The following ENOX2 variants were observed in gnomAD, a reference collection of about 807,000 sequenced individuals.
ENOX2 encodes ecto-NOX disulfide-thiol exchanger 2.
Under a neutral mutation model 45.0 loss-of-function variants are expected in ENOX2, and 36 were observed. That is an observed-to-expected ratio of 0.80 (90% confidence interval 0.61 to 1.06). ENOX2 has a LOEUF of 1.06. Among genes scored for constraint, ENOX2 ranks in the 50% least tolerant of loss-of-function variants. The probability of loss-of-function intolerance (pLI) is 0.00; values close to 1 mark genes in which losing one functional copy is unlikely to be tolerated. For missense variants in ENOX2, 423 were observed against 462.5 expected, an observed-to-expected ratio of 0.91 and a Z score of 0.78; for synonymous variants, 174 against 152.3, an observed-to-expected ratio of 1.14 and a Z score of -1.05.
Position 130,637,517 on chromosome X carries a change from G to C in ENOX2, c.1130-107C>G. The stretch of plus-strand genomic sequence containing the variant: ...CCTCTTGATGAAGAACTTCAGGTTT[G>C]AGTTGGCCATCTCAGCAAGAGATAG... On this transcript the variant is annotated intron_variant, in intron 10 of 14. Coordinates refer to ENST00000394363, the MANE Select transcript of ENOX2 (RefSeq NM_006375.4). The C allele has an allele frequency of 6.5e-6, 4 of 615,117 alleles. No individual in the cohort carries two copies. In the South Asian group the frequency reaches 9.2e-5, roughly 14 times the overall value. The allele number at this position is 615,117 out of a possible 1,213,427, so 50.7% of individuals were successfully genotyped here.
At chrX:130,802,706 G>C (rs1005153844) in intron 2 of ENOX2, among the ~76,000 whole-genome samples, 14 of 111,634 alleles carry the variant, frequency 1.3e-4, no homozygotes, top group African/African-American at 4.5e-4. Flanking sequence ...CAGGAGAGTT[G>C]CATTTTTAAT....
rs1169937381 is a variant in ENOX2, at chrX:130,622,753, A to T, written c.*2561T>A. ...GTTTGTGAGAGATGGTATGTGCCACAATTTGATTGTGTAATATAATGTATA... is the reference window on the plus strand; with the variant it reads ...GTTTGTGAGAGATGGTATGTGCCACTATTTGATTGTGTAATATAATGTATA... On this transcript the variant is annotated 3_prime_UTR_variant, in exon 15 of 15. Transcript: ENST00000394363. 8.9e-6 allele frequency among the ~76,000 whole-genome samples: 1 copy of T among 112,031 alleles called. No individual in the cohort carries two copies. The highest frequency in any genetic ancestry group is 3.2e-5 in the African/African-American group (1 of 30,830).
intron 2 of ENOX2, among the ~76,000 whole-genome samples, chrX:130,885,260 G>T (rs1045390576): frequency 3.6e-5 from 4 of 111,068 alleles, no homozygotes; most frequent in Admixed American, 9.6e-5. Context: ...TCAACCGAGA[G>T]GCAGCCTGAT....
At chrX:130,797,156 T>C (rs1395095645) in intron 2 of ENOX2, among the ~76,000 whole-genome samples, 1 of 111,913 alleles carries the variant, frequency 8.9e-6, no homozygotes, top group Non-Finnish European at 1.9e-5. Context: ...ACTTAAACAC[T>C]GCACAGATTC....
intron 10 of ENOX2, among the ~76,000 whole-genome samples, chrX:130,650,926 T>C (rs192541552): frequency 6.3e-5 from 7 of 111,355 alleles, no homozygotes; most frequent in African/African-American, 2.3e-4. Flanking sequence ...GAAAAAAAAA[T>C]TAGTAGAAGT....
chrX:130,631,691 T>C, intron 12 of ENOX2, 115 bp from the exon 13 acceptor site: 1 of 420,730 alleles, frequency 2.4e-6, no homozygotes, highest in Non-Finnish European at 4.3e-6. Flanking sequence ...ACCATTCAAT[T>C]TGGATTACTG....
At chrX:130,719,460 G>GAAA (rs1218133442) in intron 3 of ENOX2, among the ~76,000 whole-genome samples, 17 of 59,822 alleles carry the variant, frequency 2.8e-4, no homozygotes, top group African/African-American at 8.0e-4. Flanking sequence ...CTGCTGCTAA[G>GAAA]AAAAAAAAAA....
intron 13 of ENOX2, 59 bp downstream of exon 13, chrX:130,631,409 C>T (rs1288995086): frequency 1.1e-5 from 7 of 640,911 alleles, no homozygotes; most frequent in Admixed American, 4.5e-5. Context: ...AGGTAAAGCC[C>T]TCCTCTCCTC....
At chrX:130,760,716 G>A (rs971351296) in intron 3 of ENOX2, among the ~76,000 whole-genome samples, 2 of 99,365 alleles carry the variant, frequency 2.0e-5, no homozygotes, top group Non-Finnish European at 4.0e-5. Context: ...AACCTGGGAG[G>A]TGGAGGTTGC....
At chrX:130,683,643 T>C (rs1027071082) in intron 5 of ENOX2, among the ~76,000 whole-genome samples, 2 of 111,155 alleles carry the variant, frequency 1.8e-5, no homozygotes, top group African/African-American at 6.5e-5. Flanking sequence ...GTCTAATCGC[T>C]GAAGTGAAAA....
At position 130,652,547 on chromosome X, in the gene ENOX2, G is replaced by A. The variant is rs748531805; in HGVS notation, c.1129+4034C>T. Among the ~76,000 whole-genome samples, 18 of 111,908 alleles carry A rather than the reference G, an allele frequency of 1.6e-4. No homozygotes were observed. The East Asian group carries it at 5.0e-3, about 31-fold the overall frequency. On this transcript the variant is annotated intron_variant, in intron 10 of 14. Transcript: ENST00000394363. ...TCTGCAGTTCATCTCATCATATTCC[G>A]CAAATCAGTCCCATCCATCAGTCCA...
intron 2 of ENOX2, among the ~76,000 whole-genome samples, chrX:130,792,329 T>C (rs1007475258): frequency 4.5e-5 from 5 of 111,650 alleles, no homozygotes; most frequent in African/African-American, 1.6e-4. Flanking sequence ...GGTAATGAAA[T>C]AATCTGTACA....
At chrX:130,899,416 C>T (rs142718367) in intron 2 of ENOX2, among the ~76,000 whole-genome samples, 42 of 111,886 alleles carry the variant, frequency 3.8e-4, no homozygotes, top group African/African-American at 1.3e-3. Flanking sequence ...ATGAATGAAA[C>T]CTGGTCCCTG....
intron 2 of ENOX2, among the ~76,000 whole-genome samples, chrX:130,891,451 T>C (rs1453835362): frequency 9.9e-6 from 1 of 101,072 alleles, no homozygotes; most frequent in African/African-American, 3.6e-5. Flanking sequence ...AAATTTTACA[T>C]AATTTTCTTA....
intron 3 of ENOX2, among the ~76,000 whole-genome samples, chrX:130,757,086 C>G (rs1341553924): frequency 1.8e-5 from 2 of 111,903 alleles, no homozygotes; most frequent in Non-Finnish European, 3.8e-5. Context: ...ATTACTCACT[C>G]TTCTATTTTC....
chrX:130,776,053 T>A (rs935417038), intron 3 of ENOX2, among the ~76,000 whole-genome samples: 1 of 111,775 alleles, frequency 8.9e-6, no homozygotes, highest in Non-Finnish European at 1.9e-5. Context: ...TGTCTGAGTG[T>A]GCTCCTTTCC....
intron 3 of ENOX2, among the ~76,000 whole-genome samples, chrX:130,740,706 A>G (rs934683136): frequency 8.9e-6 from 1 of 111,902 alleles, no homozygotes; most frequent in Non-Finnish European, 1.9e-5. Context: ...AGTAGAGAGC[A>G]GTGGGAGAAT....
intron 3 of ENOX2, among the ~76,000 whole-genome samples, chrX:130,723,725 T>C (rs2038537202): frequency 9.0e-6 from 1 of 111,531 alleles, no homozygotes; most frequent in African/African-American, 3.3e-5. Flanking sequence ...CCCTCCCCAT[T>C]TTGTTTCCCA....
intron 3 of ENOX2, among the ~76,000 whole-genome samples, chrX:130,714,537 G>T (rs1212871362): frequency 9.0e-6 from 1 of 111,725 alleles, no homozygotes; most frequent in Admixed American, 9.5e-5. Flanking sequence ...TTATAAATAA[G>T]AATGATGCCA....
Sources: gnomAD v4.1 joint callset for allele counts (sites outside exome capture counted in the v4.1 genomes callset) on GRCh38, gnomAD v4.1.1 for gene constraint, MANE v1.5 for transcripts, NCBI Gene and HGNC (gene_info 2026-07-23, HGNC 2026-07-21) for gene names.